Variants in RBMS3 observed in about 807,000 individuals in gnomAD.
RBMS3 encodes the protein RNA binding motif single stranded interacting protein 3, also known as RNA-binding motif, single-stranded-interacting protein 3.
Under a neutral mutation model 66.8 loss-of-function variants are expected in RBMS3, and 27 were observed. The ratio of observed to expected loss-of-function variants is 0.40; its 90% CI spans 0.30 to 0.56. RBMS3 has a LOEUF of 0.56. Ranked by LOEUF, RBMS3 falls within the 20% of genes least tolerant of loss-of-function variation. The pLI, the probability that RBMS3 is intolerant of heterozygous loss-of-function variation, is 0.40. For missense variants in RBMS3, 513 were observed against 549.5 expected (o/e 0.93, Z 0.66); for synonymous variants, 188 against 183.0 (o/e 1.03, Z -0.22).
intron 12 of RBMS3, among the ~76,000 whole-genome samples, chr3:29,946,903 G>A (rs1178975196): frequency 6.6e-6 from 1 of 151,620 alleles, no homozygotes; most frequent in Non-Finnish European, 1.5e-5. Context: ...TAGTAGCCAA[G>A]AAGGCAGACA....
chr3:29,301,967 A>G (rs1443579045), intron 1 of RBMS3, among the ~76,000 whole-genome samples: 1 of 151,936 alleles, frequency 6.6e-6, no homozygotes, highest in East Asian at 1.9e-4. Flanking sequence ...GCTTTTTCAC[A>G]CAAAGACATA....
intron 12 of RBMS3, among the ~76,000 whole-genome samples, chr3:29,963,754 G>C (rs1294436291): frequency 6.7e-6 from 1 of 150,162 alleles, no homozygotes; most frequent in Non-Finnish European, 1.5e-5. Flanking sequence ...CTGAACCCTG[G>C]AGGCAGATGT....
chr3:29,466,191 A>G lies in RBMS3; in HGVS notation c.249-22250A>G, dbSNP rs2042535360. 2.0e-5 allele frequency among the ~76,000 whole-genome samples: 3 copies of G among 152,122 alleles called. No individual in the cohort carries two copies. In the South Asian group the frequency reaches 6.2e-4, roughly 32 times the overall value. On this transcript the variant is annotated intron_variant, in intron 2 of 14. Coordinates refer to ENST00000383767, the MANE Select transcript of RBMS3 (RefSeq NM_001003793.3). The stretch of plus-strand genomic sequence containing the variant: ...GTGATTATAGTCATTTCTGCACACC[A>G]ATGCCAATTAAAGACTATAGATATG...
At position 29,615,663 on chromosome 3, in the gene RBMS3, TCC is replaced by T. The variant is rs199522376; in HGVS notation, c.399+28459_399+28460del. Reference sequence around the variant, plus strand: ...TGCTGAGGTAAAAAGACTACTTGAGTCCAAAAATTTGAGATCAGCCTGGGCAA... The same window carrying T: ...TGCTGAGGTAAAAAGACTACTTGAGTAAAAATTTGAGATCAGCCTGGGCAA... On this transcript the variant is annotated intron_variant, in intron 4 of 14. Transcript: ENST00000383767. Among the ~76,000 whole-genome samples the T allele has an allele frequency of 3.4e-3, 519 of 152,228 alleles. 4 individuals are homozygous for T. Among genetic ancestry groups the T allele is most frequent in the African/African-American group, 0.012 (487 of 41,538 alleles).
At chr3:29,856,826 G>C (rs577222137) in intron 6 of RBMS3, among the ~76,000 whole-genome samples, 1 of 152,252 alleles carries the variant, frequency 6.6e-6, no homozygotes, top group South Asian at 2.1e-4. Context: ...TGATTGCTTA[G>C]ATTGATTTAT....
At chr3:29,957,118 C>T (rs1696096643) in intron 12 of RBMS3, among the ~76,000 whole-genome samples, 1 of 152,042 alleles carries the variant, frequency 6.6e-6, no homozygotes, top group South Asian at 2.1e-4. Context: ...TTGCCTTATC[C>T]TTTTGTCTTG....
intron 1 of RBMS3, among the ~76,000 whole-genome samples, chr3:29,423,332 G>T (rs12715155): frequency 0.78 from 117,969 of 152,140 alleles, 46,083 homozygotes; most frequent in African/African-American, 0.88. Flanking sequence ...GTTAAAAAGA[G>T]AAAATACACC....
chr3:29,684,552 G>A (rs1401209065), intron 4 of RBMS3, among the ~76,000 whole-genome samples: 1 of 152,086 alleles, frequency 6.6e-6, no homozygotes, highest in Non-Finnish European at 1.5e-5. Flanking sequence ...GGGAGTTATG[G>A]AATGAATAGT....
intron 4 of RBMS3, among the ~76,000 whole-genome samples, chr3:29,697,338 C>T (rs1031821327): frequency 1.3e-5 from 2 of 152,160 alleles, no homozygotes; most frequent in Non-Finnish European, 2.9e-5. Context: ...TCTTAATGAG[C>T]CCATTTGCAC....
intron 6 of RBMS3, among the ~76,000 whole-genome samples, chr3:29,784,022 A>G (rs528900632): frequency 1.3e-5 from 2 of 152,260 alleles, no homozygotes; most frequent in South Asian, 4.1e-4. Flanking sequence ...ATATGTACCT[A>G]ACACTAAAGC....
intron 4 of RBMS3, among the ~76,000 whole-genome samples, chr3:29,678,283 C>T (rs1479751705): frequency 2.0e-5 from 3 of 152,014 alleles, no homozygotes; most frequent in African/African-American, 4.8e-5. Flanking sequence ...AGGAGTTTTG[C>T]TTTCAAGTAT....
chr3:29,544,905 G>A (rs2045895271), intron 3 of RBMS3, among the ~76,000 whole-genome samples: 1 of 152,154 alleles, frequency 6.6e-6, no homozygotes, highest in Non-Finnish European at 1.5e-5. Context: ...AAAGGTGTTA[G>A]CTGGTTTAGC....
At position 30,004,121 on chromosome 3, in the gene RBMS3, A is replaced by C. The variant is rs1360467514; in HGVS notation, c.*259A>C. 1 of 320,782 alleles carries C rather than the reference A, an allele frequency of 3.1e-6. No individual in the cohort carries two copies. Among genetic ancestry groups the C allele is most frequent in the Non-Finnish European group, 5.6e-6 (1 of 177,638 alleles). The allele number at this position is 320,782 out of a possible 1,614,324, so 19.9% of individuals were successfully genotyped here. ...AAAAATTTCCAGAAGAGGAAAAAAA[A>C]ACTACAAAAAACAAAACATTGAAGG... On this transcript the variant is annotated 3_prime_UTR_variant, in exon 15 of 15. Coordinates refer to ENST00000383767, the MANE Select transcript of RBMS3 (RefSeq NM_001003793.3).
intron 4 of RBMS3, among the ~76,000 whole-genome samples, chr3:29,691,947 C>CTCTCT (rs1218393454): frequency 1.9e-5 from 1 of 53,548 alleles, no homozygotes; most frequent in African/African-American, 7.5e-5. Context: ...CTCTCTCTCT[C>CTCTCT]TATTTTTTTT....
At chr3:29,770,448 A>G (rs1316003686) in intron 6 of RBMS3, among the ~76,000 whole-genome samples, 1 of 151,990 alleles carries the variant, frequency 6.6e-6, no homozygotes, top group African/African-American at 2.4e-5. Flanking sequence ...TGAAGCACCA[A>G]TAAGTAGCAG....
chr3:29,504,313 G>A (rs1411174367), intron 3 of RBMS3, among the ~76,000 whole-genome samples: 2 of 152,008 alleles, frequency 1.3e-5, no homozygotes, highest in Non-Finnish European at 2.9e-5. Flanking sequence ...AAAGTGCACA[G>A]GACCTTATGA....
chr3:29,507,093 G>GT (rs144213156), intron 3 of RBMS3, among the ~76,000 whole-genome samples: 11,931 of 143,926 alleles, frequency 0.083, 829 homozygotes, highest in East Asian at 0.37. Flanking sequence ...TCTGATCTTT[G>GT]TTTTTTTTTA....
At chr3:29,860,745 T>C (rs983532107) in intron 6 of RBMS3, among the ~76,000 whole-genome samples, 1 of 152,236 alleles carries the variant, frequency 6.6e-6, no homozygotes, top group East Asian at 1.9e-4. Context: ...GTTAAAATGC[T>C]CCTGAGTTTC....
At chr3:29,587,043 T>G (rs937769991) in intron 3 of RBMS3, 71 bp from the exon 4 acceptor site, 11 of 1,182,502 alleles carry the variant, frequency 9.3e-6, no homozygotes, top group Admixed American at 6.0e-5. Context: ...TCTGTAAACT[T>G]GTACTTCATC....
Sources: allele counts gnomAD v4.1 joint callset (sites outside exome capture counted in the v4.1 genomes callset), GRCh38; gene constraint gnomAD v4.1.1; transcripts MANE v1.5; gene names NCBI Gene and HGNC (gene_info 2026-07-23, HGNC 2026-07-21).